EGR1: variants seen among roughly 807,000 people sequenced by gnomAD.
EGR1 encodes early growth response protein 1.
A neutral mutation model predicts 30.2 loss-of-function variants in EGR1; 8 were observed. The ratio of observed to expected loss-of-function variants is 0.26; its 90% CI spans 0.16 to 0.48. The LOEUF (loss-of-function observed/expected upper bound fraction) is 0.48, where lower values mean the gene tolerates loss of function less well. EGR1 is among the 20% of genes least tolerant of loss of function. The pLI, the probability that EGR1 is intolerant of heterozygous loss-of-function variation, is 0.99. For synonymous variants in EGR1, 334 were observed against 312.8 expected (o/e 1.07, Z -0.72); for missense variants, 568 against 732.3 (o/e 0.78, Z 2.59).
intron 1 of EGR1, 88 bp downstream of exon 1, chr5:138,466,156 A>C (rs955947067): frequency 2.1e-6 from 3 of 1,442,332 alleles, no homozygotes; most frequent in Non-Finnish European, 2.7e-6. Context: ...TGGATCTTAG[A>C]ATGAGAGCCG....
Position 138,468,793 on chromosome 5 carries a change from T to C in EGR1, c.*712T>C, listed in dbSNP as rs201828937. On this transcript the variant is annotated 3_prime_UTR_variant, in exon 2 of 2. Transcript: ENST00000239938. ...AAATATGGTTTGGTTTTTCTTTTTT[T>C]TTTTTTTTGAAAGTGTTTTTTCTTC... 6.6e-6 allele frequency: 1 copy of C among 152,370 alleles called. No homozygotes were observed. The highest frequency in any genetic ancestry group is 6.6e-5 in the Admixed American group (1 of 15,244). The allele number at this position is 152,370 out of a possible 1,614,324, so 9.4% of individuals were successfully genotyped here.
Position 138,467,718 on chromosome 5 carries a change from C to T in EGR1, c.1269C>T (p.Asp423=). ...CCAAGATCCACTTGCGGCAGAAGGA[C>T]AAGAAAGCAGACAAAAGTGTTGTGG... ...RHTKIHLRQK[D]KKADKSVVAS... is the part of the protein sequence containing the mutation. Residue 423 remains aspartate (D), a synonymous_variant, in exon 2 of 2, where the codon GAC becomes GAT. Transcript: ENST00000239938. This position sits in a 1 kb window ranked among gnomAD's most constrained non-coding sequence, Gnocchi z 8.3. The T allele has an allele frequency of 6.2e-7, 1 of 1,614,234 alleles. No individual in the cohort carries two copies. The highest frequency in any genetic ancestry group is 8.5e-7 in the Non-Finnish European group (1 of 1,180,052).
intron 1 of EGR1, among the ~76,000 whole-genome samples, chr5:138,466,534 C>T (rs1279952616): frequency 1.3e-5 from 2 of 152,256 alleles, no homozygotes; most frequent in Non-Finnish European, 2.9e-5. Flanking sequence ...GCGCTGCGAG[C>T]TGCAGTGGAG....
chr5:138,467,688 G>A lies in EGR1; in HGVS notation c.1239G>A (p.Arg413=). The A allele has an allele frequency of 6.2e-7, 1 of 1,614,180 alleles. No homozygotes were observed. Among genetic ancestry groups the A allele is most frequent in the Non-Finnish European group, 8.5e-7 (1 of 1,180,044 alleles). The stretch of plus-strand genomic sequence containing the variant: ...TTGCCAGGAGCGATGAACGCAAGAG[G>A]CATACCAAGATCCACTTGCGGCAGA... The part of the protein sequence containing the change: ...RKFARSDERK[R]HTKIHLRQKD... The change falls in exon 2 of 2, where the codon AGG becomes AGA. Residue 413 remains arginine, a synonymous_variant. Transcript: ENST00000239938. This position sits in a 1 kb window ranked among gnomAD's most constrained non-coding sequence, Gnocchi z 8.3.
At position 138,465,643 on chromosome 5, in the gene EGR1, A is replaced by G. The variant is rs1250174020; in HGVS notation, c.-119A>G. The G allele has an allele frequency of 1.7e-6, 2 of 1,200,310 alleles. No homozygotes were observed. The highest frequency in any genetic ancestry group is 1.1e-6 in the Non-Finnish European group (1 of 909,064). The allele number at this position is 1,200,310 out of a possible 1,614,324, so 74.4% of individuals were successfully genotyped here. A position where few individuals can be genotyped will look rare whatever the true frequency, so the allele number is the denominator to read the frequency against. On this transcript the variant is annotated 5_prime_UTR_variant, in exon 1 of 2. Transcript: ENST00000239938. ...CGGGGTCGCCGCCTGCACGCTTCTC[A>G]GTGTTCCCCGCGCCCCGCATGTAAC...
Position 138,466,825 on chromosome 5 carries a change from A to C in EGR1, c.376A>C (p.Thr126Pro). The C allele has an allele frequency of 6.2e-7, 1 of 1,613,546 alleles. No individual in the cohort carries two copies. The change falls in exon 2 of 2, where the codon ACT (threonine) becomes CCT (proline). Residue 126 changes from threonine (T) to proline (P), a missense_variant. By Grantham distance (38) the Thr-to-Pro change is conservative (BLOSUM62 -1). Transcript: ENST00000239938. ...GGAGACCAGTTACCCCAGCCAAACC[A>C]CTCGACTGCCCCCCATCACCTATAC... ...LVETSYPSQT[T>P]RLPPITYTGR...
chr5:138,466,648 G>A, intron 1 of EGR1, 109 bp from the exon 2 acceptor site: 1 of 1,258,632 alleles, frequency 7.9e-7, no homozygotes, highest in Non-Finnish European at 1.1e-6. Context: ...AACTACCTCG[G>A]GAGTCAATGG....
At position 138,467,784 on chromosome 5, in the gene EGR1, G is replaced by T. The variant is rs139669376; in HGVS notation, c.1335G>T (p.Pro445=). Residue 445 remains proline, a synonymous_variant, in exon 2 of 2, where the codon CCG becomes CCT. Transcript: ENST00000239938. The surrounding 1 kb of genome is among the most constrained non-coding windows in gnomAD (Gnocchi z 8.3). ...CCTCTCTCTCTTCCTACCCGTCCCC[G>T]GTTGCTACCTCTTACCCGTCCCCGG... is the stretch of plus-strand genomic sequence containing the variant. ...ATSSLSSYPS[P]VATSYPSPVT... is the part of the protein sequence containing the mutation. 1 of 1,613,372 alleles carries T rather than the reference G, an allele frequency of 6.2e-7. No individual in the cohort carries two copies. The highest frequency in any genetic ancestry group is 8.5e-7 in the Non-Finnish European group (1 of 1,179,688).
chr5:138,468,258 C>T lies in EGR1; in HGVS notation c.*177C>T, dbSNP rs138171053. ...TCTATTGGCCAACAATCCTTTCTGC[C>T]CACTTCCCCTTCCCCAATTACTATT... On this transcript the variant is annotated 3_prime_UTR_variant, in exon 2 of 2. Coordinates refer to ENST00000239938, the MANE Select transcript of EGR1 (RefSeq NM_001964.3). The T allele has an allele frequency of 6.5e-5, 90 of 1,374,210 alleles. No homozygotes were observed. The East Asian group carries it at 1.9e-3, about 28-fold the overall frequency. The allele number at this position is 1,374,210 out of a possible 1,614,324, so 85.1% of individuals were successfully genotyped here.
In EGR1 at chr5:138,468,439, A is replaced by G; in HGVS notation, c.*358A>G. The G allele has an allele frequency of 2.3e-6, 1 of 439,488 alleles. No homozygotes were observed. The highest frequency in any genetic ancestry group is 2.5e-5 in the Admixed American group (1 of 40,268). The allele number at this position is 439,488 out of a possible 1,614,324, so 27.2% of individuals were successfully genotyped here. A position where few individuals can be genotyped will look rare whatever the true frequency, so the allele number is the denominator to read the frequency against. On this transcript the variant is annotated 3_prime_UTR_variant, in exon 2 of 2. Transcript: ENST00000239938. ...TTCAATGCTAGAAAATCGAGTTGGC[A>G]AAATGGGGTTTGGGCCCCTCAGAGC...
In EGR1 at chr5:138,465,595, G is replaced by T; in HGVS notation, c.-167G>T. On this transcript the variant is annotated 5_prime_UTR_variant, in exon 1 of 2. Coordinates refer to ENST00000239938, the MANE Select transcript of EGR1 (RefSeq NM_001964.3). ...GCCTCCGCAGCCGCGGCGCGTCCAC[G>T]CCCGCCCGCGCCCAGGGCGAGTCGG... 3.0e-6 allele frequency: 2 copies of T among 663,792 alleles called. No individual in the cohort carries two copies. Among genetic ancestry groups the T allele is most frequent in the Non-Finnish European group, 4.3e-6 (2 of 463,160 alleles). 41.1% of individuals were successfully genotyped at this position (663,792 alleles called of 1,614,324 possible).
At position 138,465,611 on chromosome 5, in the gene EGR1, G is replaced by A; in HGVS notation, c.-151G>A. 2.4e-6 allele frequency: 2 copies of A among 833,188 alleles called. No homozygotes were observed. The highest frequency in any genetic ancestry group is 1.8e-5 in the African/African-American group (1 of 56,008). 51.6% of individuals were successfully genotyped at this position (833,188 alleles called of 1,614,324 possible). ...CGCGTCCACGCCCGCCCGCGCCCAG[G>A]GCGAGTCGGGGTCGCCGCCTGCACG... is the stretch of plus-strand genomic sequence containing the variant. On this transcript the variant is annotated 5_prime_UTR_variant, in exon 1 of 2. Transcript: ENST00000239938.
Position 138,468,195 on chromosome 5 carries a change from C to T in EGR1, c.*114C>T. The T allele has an allele frequency of 6.6e-7, 1 of 1,514,036 alleles. No individual in the cohort carries two copies. The highest frequency in any genetic ancestry group is 8.8e-7 in the Non-Finnish European group (1 of 1,130,400). 93.8% of individuals were successfully genotyped at this position (1,514,036 alleles called of 1,614,324 possible). On this transcript the variant is annotated 3_prime_UTR_variant, in exon 2 of 2. Transcript: ENST00000239938. Reference sequence around the variant, plus strand: ...GTTCCTCTTAGGTCAGATGGAGGTTCTCAGAGCCAAGTCCTCCCTCTCTAC... The same window carrying T: ...GTTCCTCTTAGGTCAGATGGAGGTTTTCAGAGCCAAGTCCTCCCTCTCTAC...
At chr5:138,466,131 C>T in intron 1 of EGR1, 63 bp downstream of exon 1, 3 of 1,468,554 alleles carry the variant, frequency 2.0e-6, no homozygotes, top group East Asian at 4.9e-5. Context: ...CTGTCCTTCA[C>T]CGCAGGAGTG....
In EGR1 at chr5:138,468,198, A is replaced by AGAGCC; in HGVS notation, c.*118_*122dup. On this transcript the variant is annotated 3_prime_UTR_variant, in exon 2 of 2. Coordinates refer to ENST00000239938, the MANE Select transcript of EGR1 (RefSeq NM_001964.3). ...CCTCTTAGGTCAGATGGAGGTTCTC[A>AGAGCC]GAGCCAAGTCCTCCCTCTCTACTGG... The AGAGCC allele has an allele frequency of 6.6e-7, 1 of 1,511,556 alleles. No individual in the cohort carries two copies. Among genetic ancestry groups the AGAGCC allele is most frequent in the Non-Finnish European group, 8.9e-7 (1 of 1,128,872 alleles). 93.6% of individuals were successfully genotyped at this position (1,511,556 alleles called of 1,614,324 possible). A position where few individuals can be genotyped will look rare whatever the true frequency, so the allele number is the denominator to read the frequency against.
rs140128606 is a variant in EGR1, at chr5:138,467,939, C to T, written c.1490C>T (p.Thr497Ile). The part of the protein sequence containing the change: ...HSGFPSPSVA[T>I]TYSSVPPAFP... ...GGCTTCCCCTCCCCGTCGGTGGCCA[C>T]CACGTACTCCTCTGTTCCCCCTGCT... The change falls in exon 2 of 2, where the codon ACC becomes ATC. Residue 497 changes from threonine to isoleucine, a missense_variant. Coordinates refer to ENST00000239938, the MANE Select transcript of EGR1 (RefSeq NM_001964.3). The surrounding 1 kb of genome is among the most constrained non-coding windows in gnomAD (Gnocchi z 8.3). The T allele has an allele frequency of 6.2e-7, 1 of 1,613,842 alleles. No homozygotes were observed. The highest frequency in any genetic ancestry group is 8.5e-7 in the Non-Finnish European group (1 of 1,179,920).
rs911570660 is a variant in EGR1 at position 138,468,150 on chromosome 5, G to C, written c.*69G>C. The C allele has an allele frequency of 3.3e-6, 5 of 1,533,126 alleles. No homozygotes were observed. Among genetic ancestry groups the C allele is most frequent in the Non-Finnish European group, 4.4e-6 (5 of 1,141,744 alleles). 95.0% of individuals were successfully genotyped at this position (1,533,126 alleles called of 1,614,324 possible). On this transcript the variant is annotated 3_prime_UTR_variant, in exon 2 of 2. Transcript: ENST00000239938. ...AGAGACTTAAAGGACAGGAGGAGGA[G>C]ATGGCCATAGGAGAGGAGGGTTCCT...
At chr5:138,466,175 T>C (rs2127036783) in intron 1 of EGR1, 107 bp downstream of exon 1, 1 of 1,430,794 alleles carries the variant, frequency 7.0e-7, no homozygotes, top group African/African-American at 1.4e-5. Context: ...CGGGTTTCCC[T>C]TTCATTCCTC....
At chr5:138,466,555 C>T (rs1161662152) in intron 1 of EGR1, among the ~76,000 whole-genome samples, 3 of 152,216 alleles carry the variant, frequency 2.0e-5, no homozygotes, top group African/African-American at 7.2e-5. Context: ...GGGGATTCTC[C>T]GTATTTGCGT....
Sources: allele counts gnomAD v4.1 joint callset (sites outside exome capture counted in the v4.1 genomes callset), GRCh38; gene constraint gnomAD v4.1.1; non-coding constraint Gnocchi (gnomAD v3.1); transcripts MANE v1.5; gene names NCBI Gene and HGNC (gene_info 2026-07-23, HGNC 2026-07-21).